Variants in DRC11 observed in about 807,000 individuals in gnomAD.
The protein encoded by DRC11 is IQ and AAA domain-containing protein 1.
the DRC11 span, chr2:236,367,716 T>G: frequency 5.8e-6 from 1 of 173,614 alleles, no homozygotes; most frequent in Non-Finnish European, 1.2e-5. The surrounding 1 kb of genome is among the most constrained non-coding windows in gnomAD (Gnocchi z 4.8). Context: ...AAGTCACAAT[T>G]GAACCTCATT....
the DRC11 span, among the ~76,000 whole-genome samples, chr2:236,348,401 G>A: frequency 6.6e-6 from 1 of 152,206 alleles, no homozygotes; most frequent in East Asian, 1.9e-4. This position sits in a 1 kb window ranked among gnomAD's most constrained non-coding sequence, Gnocchi z 7.4. Flanking sequence ...GCAGGAAGAG[G>A]AATGGGATGG....
the DRC11 span, among the ~76,000 whole-genome samples, chr2:236,451,523 G>A: frequency 6.6e-6 from 1 of 152,084 alleles, no homozygotes; most frequent in Non-Finnish European, 1.5e-5. Flanking sequence ...TCTTAATCGA[G>A]CTTACATGTT....
At chr2:236,478,830 C>CT in the DRC11 span, among the ~76,000 whole-genome samples, 3,216 of 139,314 alleles carry the variant, frequency 0.023, 50 homozygotes, top group Non-Finnish European at 0.035. This position sits in a 1 kb window ranked among gnomAD's most constrained non-coding sequence, Gnocchi z 5.9. Context: ...GGTTTGTAGT[C>CT]TTTTTTTTTT....
the DRC11 span, among the ~76,000 whole-genome samples, chr2:236,393,271 G>GCAGCTGAGGAC: frequency 6.6e-6 from 1 of 152,170 alleles, no homozygotes; most frequent in African/African-American, 2.4e-5. The surrounding 1 kb of genome is among the most constrained non-coding windows in gnomAD (Gnocchi z 4.7). Flanking sequence ...ACCTAGGAAG[G>GCAGCTGAGGAC]CAGCTGAGGA....
chr2:236,316,226 G>A, the DRC11 span, among the ~76,000 whole-genome samples: 9 of 151,732 alleles, frequency 5.9e-5, no homozygotes, highest in Admixed American at 2.6e-4. The surrounding 1 kb of genome is among the most constrained non-coding windows in gnomAD (Gnocchi z 6.8). Context: ...GCAATTGTGC[G>A]ATCTTGGCTC....
chr2:236,336,457 C>T, the DRC11 span, among the ~76,000 whole-genome samples: 4 of 150,424 alleles, frequency 2.7e-5, no homozygotes, highest in Non-Finnish European at 5.9e-5. This position sits in a 1 kb window ranked among gnomAD's most constrained non-coding sequence, Gnocchi z 7.3. Flanking sequence ...ACTGCCACCA[C>T]GGCCACCACC....
At chr2:236,377,198 CAG>C in the DRC11 span, 2 of 1,565,108 alleles carry the variant, frequency 1.3e-6, no homozygotes, top group Admixed American at 1.7e-5. The surrounding 1 kb of genome is among the most constrained non-coding windows in gnomAD (Gnocchi z 4.9). Context: ...GGGGAGAAAG[CAG>C]AGTGTCTGTT....
At chr2:236,420,248 A>G in the DRC11 span, among the ~76,000 whole-genome samples, 2 of 152,340 alleles carry the variant, frequency 1.3e-5, no homozygotes, top group Admixed American at 6.5e-5. This position sits in a 1 kb window ranked among gnomAD's most constrained non-coding sequence, Gnocchi z 4.8. Flanking sequence ...ACACACAGCT[A>G]GTGAGTAGCT....
At chr2:236,319,364 G>C in the DRC11 span, among the ~76,000 whole-genome samples, 1 of 152,254 alleles carries the variant, frequency 6.6e-6, no homozygotes, top group Non-Finnish European at 1.5e-5. The surrounding 1 kb of genome is among the most constrained non-coding windows in gnomAD (Gnocchi z 6.7). Context: ...GCTGAGCTGG[G>C]ACTTATCCAG....
At chr2:236,442,655 C>A in the DRC11 span, among the ~76,000 whole-genome samples, 8 of 152,196 alleles carry the variant, frequency 5.3e-5, no homozygotes, top group East Asian at 1.3e-3. Flanking sequence ...CGATGCTTTG[C>A]AGAATTATGT....
chr2:236,408,084 G>C, the DRC11 span: 1 of 610,754 alleles, frequency 1.6e-6, no homozygotes, highest in Non-Finnish European at 3.1e-6. The surrounding 1 kb of genome is among the most constrained non-coding windows in gnomAD (Gnocchi z 5.5). Context: ...GCATGACAAA[G>C]CCACTGGTCA....
At chr2:236,378,875 C>G in the DRC11 span, among the ~76,000 whole-genome samples, 1 of 152,246 alleles carries the variant, frequency 6.6e-6, no homozygotes, top group Non-Finnish European at 1.5e-5. Context: ...GCTGCTTCTT[C>G]GGCAGCAGTC....
chr2:236,324,498 T>C, the DRC11 span: 43 of 509,818 alleles, frequency 8.4e-5, no homozygotes, highest in Admixed American at 5.2e-4. This position sits in a 1 kb window ranked among gnomAD's most constrained non-coding sequence, Gnocchi z 5.7. Flanking sequence ...TAACAGCACA[T>C]GCAGTGGTTA....
At chr2:236,393,866 C>T in the DRC11 span, among the ~76,000 whole-genome samples, 3 of 152,174 alleles carry the variant, frequency 2.0e-5, no homozygotes, top group Admixed American at 6.5e-5. The surrounding 1 kb of genome is among the most constrained non-coding windows in gnomAD (Gnocchi z 4.7). Flanking sequence ...AACCCCTGCC[C>T]TACCACCTAC....
the DRC11 span, among the ~76,000 whole-genome samples, chr2:236,492,873 A>G: frequency 7.6e-3 from 1,163 of 152,324 alleles, 23 homozygotes; most frequent in African/African-American, 0.027. Flanking sequence ...CCTGTGGACA[A>G]AGGAGGTATC....
chr2:236,492,193 C>A, the DRC11 span, among the ~76,000 whole-genome samples: 3 of 152,156 alleles, frequency 2.0e-5, no homozygotes, highest in Non-Finnish European at 4.4e-5. Flanking sequence ...TTCTGTTATA[C>A]CAGCACAAAA....
the DRC11 span, among the ~76,000 whole-genome samples, chr2:236,345,563 T>C: frequency 6.6e-6 from 1 of 152,128 alleles, no homozygotes; most frequent in Non-Finnish European, 1.5e-5. Flanking sequence ...CGAGGCTATT[T>C]GTTCATCTCT....
chr2:236,331,609 A>C, the DRC11 span: 1 of 1,595,572 alleles, frequency 6.3e-7, no homozygotes, highest in Non-Finnish European at 8.6e-7. This position sits in a 1 kb window ranked among gnomAD's most constrained non-coding sequence, Gnocchi z 4.8. Flanking sequence ...TGTTGTATCC[A>C]GAAAAGACAC....
the DRC11 span, among the ~76,000 whole-genome samples, chr2:236,483,091 T>A: frequency 6.6e-6 from 1 of 152,192 alleles, no homozygotes; most frequent in African/African-American, 2.4e-5. This position sits in a 1 kb window ranked among gnomAD's most constrained non-coding sequence, Gnocchi z 4.8. Flanking sequence ...TCTGCCCTCA[T>A]GAGTTTGACT....
Sources: gnomAD v4.1 joint callset for allele counts (sites outside exome capture counted in the v4.1 genomes callset) on GRCh38, gnomAD v4.1.1 for gene constraint, Gnocchi (gnomAD v3.1) non-coding constraint, MANE v1.5 for transcripts, NCBI Gene and HGNC (gene_info 2026-07-23, HGNC 2026-07-21) for gene names.